Variants in RNF169 observed in about 807,000 individuals in gnomAD.
RNF169 encodes the protein E3 ubiquitin-protein ligase RNF169.
In RNF169, 24 loss-of-function variants were observed where a neutral mutation model predicts 53.9. The observed-to-expected ratio is 0.45, with a 90% CI of 0.32 to 0.63. RNF169 has a LOEUF of 0.63. Ranked by LOEUF, RNF169 falls within the 20% of genes least tolerant of loss-of-function variation. RNF169 has a pLI of 0.04. For synonymous variants in RNF169, 396 were observed against 363.5 expected (o/e 1.09, Z -1.02); for missense variants, 883 against 906.2 (o/e 0.97, Z 0.33).
chr11:74,788,415 CAG>C (rs2035535866), intron 1 of RNF169, among the ~76,000 whole-genome samples: 1 of 152,168 alleles, frequency 6.6e-6, no homozygotes, highest in African/African-American at 2.4e-5. Flanking sequence ...GTTTTTGAAA[CAG>C]AGTCTCACTC....
rs918024489 is a variant in RNF169, at chr11:74,806,743, A to AT, written c.577-3433dup. 4.6e-5 allele frequency among the ~76,000 whole-genome samples: 7 copies of AT among 151,622 alleles called. No individual in the cohort carries two copies. In the South Asian group the frequency reaches 1.2e-3, roughly 27 times the overall value. On this transcript the variant is annotated intron_variant, in intron 2 of 5. Coordinates refer to ENST00000299563, the MANE Select transcript of RNF169 (RefSeq NM_001098638.2). ...ATAAAATTCAGAAATAGGTAAAATGATTTTTTTTGGTGTTAGAAGCCAGGA... is the reference window on the plus strand; with the variant it reads ...ATAAAATTCAGAAATAGGTAAAATGATTTTTTTTTGGTGTTAGAAGCCAGGA...
chr11:74,837,356 A>C lies in RNF169; in HGVS notation c.*626A>C, dbSNP rs894585862. ...ATTTAGTCTTTCCAAGAGACCTCTC[A>C]TGTAACTGGCATTAGCCCCATTTTT... On this transcript the variant is annotated 3_prime_UTR_variant, in exon 6 of 6. Coordinates refer to ENST00000299563, the MANE Select transcript of RNF169 (RefSeq NM_001098638.2). 6.6e-6 allele frequency: 1 copy of C among 152,286 alleles called. No individual in the cohort carries two copies. The highest frequency in any genetic ancestry group is 1.5e-5 in the Non-Finnish European group (1 of 68,080). 9.4% of individuals were successfully genotyped at this position (152,286 alleles called of 1,614,324 possible).
At chr11:74,825,831 A>C (rs974667312) in intron 4 of RNF169, among the ~76,000 whole-genome samples, 3 of 152,240 alleles carry the variant, frequency 2.0e-5, no homozygotes, top group African/African-American at 7.2e-5. Flanking sequence ...CCATGTGTTA[A>C]TCTTTTTTCA....
At chr11:74,769,614 G>A (rs761920354) in intron 1 of RNF169, among the ~76,000 whole-genome samples, 4 of 152,192 alleles carry the variant, frequency 2.6e-5, no homozygotes, top group Non-Finnish European at 4.4e-5. Flanking sequence ...TTCTACAGCT[G>A]TTAGAATGAA....
chr11:74,767,431 A>G (rs1476271853), intron 1 of RNF169, among the ~76,000 whole-genome samples: 1 of 152,088 alleles, frequency 6.6e-6, no homozygotes, highest in Non-Finnish European at 1.5e-5. Flanking sequence ...TTTGAGACAG[A>G]GTCTCACTCT....
chr11:74,783,157 C>T (rs1217580470), intron 1 of RNF169, among the ~76,000 whole-genome samples: 1 of 151,840 alleles, frequency 6.6e-6, no homozygotes, highest in Non-Finnish European at 1.5e-5. Context: ...TTAAATTTTG[C>T]ATTGAGTGTG....
chr11:74,803,325 T>C (rs1191078165), intron 2 of RNF169, among the ~76,000 whole-genome samples: 2 of 152,166 alleles, frequency 1.3e-5, no homozygotes, highest in Non-Finnish European at 2.9e-5. Context: ...GACCTAGTGA[T>C]CTGCCTGCCT....
In RNF169 at chr11:74,840,058, T is replaced by C. The variant is rs868616075; in HGVS notation, c.*3328T>C. The C allele has an allele frequency of 1.3e-5, 2 of 152,194 alleles. No individual in the cohort carries two copies. The highest frequency in any genetic ancestry group is 1.9e-4 in the East Asian group (1 of 5,198). The allele number at this position is 152,194 out of a possible 1,614,324, so 9.4% of individuals were successfully genotyped here. A position where few individuals can be genotyped will look rare whatever the true frequency, so the allele number is the denominator to read the frequency against. The stretch of plus-strand genomic sequence containing the variant: ...GTCCTTAAGAGATTAAAGCTCTTAA[T>C]TGATTACTGTCTGGTTACAAACTGG... On this transcript the variant is annotated 3_prime_UTR_variant, in exon 6 of 6. Coordinates refer to ENST00000299563, the MANE Select transcript of RNF169 (RefSeq NM_001098638.2).
At position 74,836,673 on chromosome 11, in the gene RNF169, A is replaced by G. The variant is rs753321893; in HGVS notation, c.2070A>G (p.Arg690=). 2.5e-6 allele frequency: 4 copies of G among 1,613,640 alleles called. No homozygotes were observed. In the Admixed American group the frequency reaches 5.0e-5, roughly 20 times the overall value. The part of the protein sequence containing the change: ...FDNERRTVSR[R]KGSVDQYLLR... Reference sequence around the variant, plus strand: ...ATGAGAGGCGGACTGTGAGCCGGCGAAAAGGAAGTGTGGATCAGTATCTCC... The same window carrying G: ...ATGAGAGGCGGACTGTGAGCCGGCGGAAAGGAAGTGTGGATCAGTATCTCC... The change falls in exon 6 of 6, where the codon CGA becomes CGG. Residue 690 remains arginine (R), a synonymous_variant. Coordinates refer to ENST00000299563, the MANE Select transcript of RNF169 (RefSeq NM_001098638.2).
At chr11:74,750,450 A>G (rs2034869068) in intron 1 of RNF169, among the ~76,000 whole-genome samples, 1 of 152,030 alleles carries the variant, frequency 6.6e-6, no homozygotes, top group African/African-American at 2.4e-5. Context: ...TCTAGAAACC[A>G]CAGGTTCTAG....
In RNF169 at chr11:74,822,900, G is replaced by C. The variant is rs1228260454; in HGVS notation, c.842+5186G>C. Among the ~76,000 whole-genome samples the C allele has an allele frequency of 3.9e-5, 6 of 152,244 alleles. No homozygotes were observed. In the South Asian group the frequency reaches 1.2e-3, roughly 32 times the overall value. The stretch of plus-strand genomic sequence containing the variant: ...ATATATCCACTGTATGCCAGGCACT[G>C]TGTTAGGGTTTAGGAATACAGAAAA... On this transcript the variant is annotated intron_variant, in intron 4 of 5. Coordinates refer to ENST00000299563, the MANE Select transcript of RNF169 (RefSeq NM_001098638.2).
In RNF169 at chr11:74,821,482, C is replaced by T. The variant is rs1355423800; in HGVS notation, c.842+3768C>T. On this transcript the variant is annotated intron_variant, in intron 4 of 5. Coordinates refer to ENST00000299563, the MANE Select transcript of RNF169 (RefSeq NM_001098638.2). ...GACCATCCCGGCTAAAATGGTGAAA[C>T]CCCGTCTCTACTAAAAATACAAAAA... 4.3e-5 allele frequency among the ~76,000 whole-genome samples: 4 copies of T among 92,660 alleles called. 1 individual carries two copies. The highest frequency in any genetic ancestry group is 7.9e-5 in the Non-Finnish European group (4 of 50,910). The allele number at this position is 92,660 out of a possible 152,430, so 60.8% of individuals were successfully genotyped here.
chr11:74,778,402 C>G (rs2035367613), intron 1 of RNF169, among the ~76,000 whole-genome samples: 1 of 152,056 alleles, frequency 6.6e-6, no homozygotes, highest in Admixed American at 6.6e-5. Context: ...GATTATGTCA[C>G]TGTTTCTTTT....
rs2035956135 is a variant in RNF169, at chr11:74,817,638, C to T, written c.766C>T (p.Arg256Ter). 4 of 1,613,994 alleles carry T rather than the reference C, an allele frequency of 2.5e-6. No homozygotes were observed. Among genetic ancestry groups the T allele is most frequent in the Non-Finnish European group, 3.4e-6 (4 of 1,179,886 alleles). ...LSDSENEEPS[R>*]GQMTQTHRSA... is the part of the protein sequence containing the mutation. The stretch of plus-strand genomic sequence containing the variant: ...AGATTCAGAGAATGAAGAACCTTCT[C>T]GAGGCCAGATGACACAGACACATCG... Residue 256 changes from arginine to a stop codon, truncating the protein, a stop_gained, in exon 4 of 6, where the codon CGA becomes TGA. Coordinates refer to ENST00000299563, the MANE Select transcript of RNF169 (RefSeq NM_001098638.2). LOFTEE classifies it high-confidence loss of function.
chr11:74,820,466 G>A (rs1285967999), intron 4 of RNF169, among the ~76,000 whole-genome samples: 4 of 152,118 alleles, frequency 2.6e-5, no homozygotes, highest in African/African-American at 9.7e-5. Context: ...GAAAGGGGGT[G>A]GGGGCCGTTA....
Position 74,749,317 on chromosome 11 carries a change from A to G in RNF169, c.437A>G (p.Asp146Gly). ...SQPERCRPRR[D>G]GGAAAAGPRP... Reference sequence around the variant, plus strand: ...CCCGAGCGCTGCCGCCCGCGCCGGGACGGGGGCGCGGCTGCCGCGGGGCCC... The same window carrying G: ...CCCGAGCGCTGCCGCCCGCGCCGGGGCGGGGGCGCGGCTGCCGCGGGGCCC... The change falls in exon 1 of 6, where the codon GAC becomes GGC. Residue 146 changes from aspartate (D) to glycine (G), a missense_variant. By Grantham distance (94) the Asp-to-Gly change is moderately conservative. Around this residue, in one of 3 missense-constraint regions of RNF169, gnomAD observed 313 missense variants for 279.9 expected, o/e 1.12. Coordinates refer to ENST00000299563, the MANE Select transcript of RNF169 (RefSeq NM_001098638.2). 8.4e-7 allele frequency: 1 copy of G among 1,190,522 alleles called. No individual in the cohort carries two copies. The allele number at this position is 1,190,522 out of a possible 1,614,324, so 73.7% of individuals were successfully genotyped here.
chr11:74,772,849 A>G (rs1482156102), intron 1 of RNF169, among the ~76,000 whole-genome samples: 1 of 152,214 alleles, frequency 6.6e-6, no homozygotes, highest in Non-Finnish European at 1.5e-5. Context: ...GTGTTTGATC[A>G]TGAACTGGGG....
intron 4 of RNF169, among the ~76,000 whole-genome samples, chr11:74,834,344 T>G (rs926911406): frequency 1.2e-4 from 18 of 152,188 alleles, no homozygotes; most frequent in Non-Finnish European, 2.9e-5. Context: ...GTTGTAAAGG[T>G]GATTTAACAT....
chr11:74,766,196 A>G (rs1330722718), intron 1 of RNF169, among the ~76,000 whole-genome samples: 1 of 152,228 alleles, frequency 6.6e-6, no homozygotes, highest in Non-Finnish European at 1.5e-5. Context: ...TCAAGAATAA[A>G]TAGAAAGTAT....
Sources: allele counts gnomAD v4.1 joint callset (sites outside exome capture counted in the v4.1 genomes callset), GRCh38; gene constraint gnomAD v4.1.1; regional missense constraint gnomAD v4.1.1; transcripts MANE v1.5; gene names NCBI Gene and HGNC (gene_info 2026-07-23, HGNC 2026-07-21).